Variants in PDE9A observed in about 807,000 individuals in gnomAD.
PDE9A encodes phosphodiesterase 9A.
Under a neutral mutation model 87.4 loss-of-function variants are expected in PDE9A, and 60 were observed. The ratio of observed to expected loss-of-function variants is 0.69; its 90% CI spans 0.56 to 0.85. The LOEUF (loss-of-function observed/expected upper bound fraction) is 0.85. Among genes scored for constraint, PDE9A ranks in the 40% least tolerant of loss-of-function variants. The pLI, the probability that PDE9A is intolerant of heterozygous loss-of-function variation, is 0.00. For synonymous variants in PDE9A, 272 were observed against 279.4 expected, an observed-to-expected ratio of 0.97 and a Z score of 0.27; for missense variants, 665 against 779.0, an observed-to-expected ratio of 0.85 and a Z score of 1.74.
chr21:42,719,416 A>G (rs146860955), intron 4 of PDE9A, among the ~76,000 whole-genome samples: 126 of 151,632 alleles, frequency 8.3e-4, no homozygotes, highest in African/African-American at 2.7e-3. Context: ...GGGTGGATCA[A>G]CTGAGGTCAG....
At chr21:42,774,078 C>CA (rs935218403) in intron 19 of PDE9A, among the ~76,000 whole-genome samples, 57 of 151,054 alleles carry the variant, frequency 3.8e-4, no homozygotes, top group East Asian at 1.4e-3. Flanking sequence ...GACTCTGTCT[C>CA]AAAAAAAATA....
intron 8 of PDE9A, among the ~76,000 whole-genome samples, chr21:42,746,168 G>A (rs1007076232): frequency 1.1e-4 from 17 of 152,192 alleles, no homozygotes; most frequent in Admixed American, 9.8e-4. Flanking sequence ...AAAGCAAGGC[G>A]AGTGCTCGGA....
intron 15 of PDE9A, among the ~76,000 whole-genome samples, chr21:42,767,060 G>A (rs1239981468): frequency 3.3e-5 from 5 of 152,096 alleles, no homozygotes; most frequent in East Asian, 3.9e-4. Flanking sequence ...CCTGCACCGC[G>A]GGGTCAGATG....
At chr21:42,666,735 CA>C (rs2058024088) in intron 1 of PDE9A, among the ~76,000 whole-genome samples, 1 of 152,202 alleles carries the variant, frequency 6.6e-6, no homozygotes, top group African/African-American at 2.4e-5. Flanking sequence ...GCCCGGTCTC[CA>C]AATAAGGTCA....
At chr21:42,655,874 GC>G (rs1368317909) in intron 1 of PDE9A, among the ~76,000 whole-genome samples, 1 of 138,060 alleles carries the variant, frequency 7.2e-6, no homozygotes, top group African/African-American at 2.8e-5. Flanking sequence ...CCCGCCCTCT[GC>G]CCCTTGCTGT....
At chr21:42,720,220 G>A (rs1028685265) in intron 4 of PDE9A, among the ~76,000 whole-genome samples, 3 of 152,096 alleles carry the variant, frequency 2.0e-5, no homozygotes, top group Admixed American at 6.5e-5. Flanking sequence ...TCCGCCAGGC[G>A]CAGTGACTCA....
In PDE9A at chr21:42,760,730, C is replaced by T; in HGVS notation, c.1003-95C>T. 1 of 761,460 alleles carries T rather than the reference C, an allele frequency of 1.3e-6. No individual in the cohort carries two copies. The highest frequency in any genetic ancestry group is 2.0e-5 in the Admixed American group (1 of 51,054). The allele number at this position is 761,460 out of a possible 1,614,324, so 47.2% of individuals were successfully genotyped here. A position where few individuals can be genotyped will look rare whatever the true frequency, so the allele number is the denominator to read the frequency against. On this transcript the variant is annotated intron_variant, in intron 12 of 19. Coordinates refer to ENST00000291539, the MANE Select transcript of PDE9A (RefSeq NM_002606.3). The surrounding 1 kb of genome is among the most constrained non-coding windows in gnomAD (Gnocchi z 5.2). Reference sequence around the variant, plus strand: ...GCCAGATGGCTGCAGGGGCCTTTGTCCCCCGCTTACCACTCACCCAATTCC... The same window carrying T: ...GCCAGATGGCTGCAGGGGCCTTTGTTCCCCGCTTACCACTCACCCAATTCC...
chr21:42,716,205 G>C (rs2049905943), intron 4 of PDE9A, among the ~76,000 whole-genome samples: 1 of 151,826 alleles, frequency 6.6e-6, no homozygotes, highest in Non-Finnish European at 1.5e-5. Context: ...TTGTGCACAA[G>C]TTTTTGTGTG....
intron 18 of PDE9A, among the ~76,000 whole-genome samples, chr21:42,771,407 CCTG>C (rs1366541738): frequency 1.3e-5 from 2 of 152,224 alleles, no homozygotes; most frequent in Non-Finnish European, 2.9e-5. Flanking sequence ...TGTCTGCTGT[CCTG>C]CTGCCCATGG....
chr21:42,653,829 C>G lies in PDE9A; in HGVS notation c.15C>G (p.Ser5=), dbSNP rs1469955919. The G allele has an allele frequency of 6.4e-7, 1 of 1,566,360 alleles. No homozygotes were observed. Among genetic ancestry groups the G allele is most frequent in the African/African-American group, 1.4e-5 (1 of 71,630 alleles). ...CCGGGCGCAGGATGGGATCCGGCTC[C>G]TCCAGCTACCGGCCCAAGGCCATCT... The part of the protein sequence containing the change: MGSG[S]SSYRPKAIYL... The change falls in exon 1 of 20, where the codon TCC becomes TCG. Residue 5 remains serine (S), a synonymous_variant. Coordinates refer to ENST00000291539, the MANE Select transcript of PDE9A (RefSeq NM_002606.3).
At chr21:42,733,213 G>T in intron 6 of PDE9A, 143 bp from the exon 7 acceptor site, 2 of 623,608 alleles carry the variant, frequency 3.2e-6, no homozygotes, top group East Asian at 2.7e-5. Context: ...GTCCTAGCAT[G>T]TTGGCACCTC....
chr21:42,669,370 G>C (rs186055912), intron 1 of PDE9A, among the ~76,000 whole-genome samples: 1 of 152,098 alleles, frequency 6.6e-6, no homozygotes, highest in Non-Finnish European at 1.5e-5. Flanking sequence ...CCCTGCCTGC[G>C]GGGTCTTAGA....
chr21:42,724,609 T>A (rs1359254035), intron 4 of PDE9A: 1 of 984,936 alleles, frequency 1.0e-6, no homozygotes, highest in African/African-American at 1.7e-5. Flanking sequence ...GAGCCCACTG[T>A]GCTGAGTCAC....
chr21:42,731,410 C>G (rs2051726840), intron 4 of PDE9A, among the ~76,000 whole-genome samples: 1 of 152,156 alleles, frequency 6.6e-6, no homozygotes, highest in Admixed American at 6.5e-5. Flanking sequence ...AGACCGCTCC[C>G]TTCCTTAGAA....
chr21:42,742,833 T>C lies in PDE9A; in HGVS notation c.569-943T>C, dbSNP rs372817168. 6.6e-5 allele frequency among the ~76,000 whole-genome samples: 10 copies of C among 152,118 alleles called. No homozygotes were observed. In the East Asian group the frequency reaches 1.5e-3, roughly 23 times the overall value. ...AAGACCAGACGAGCCAGTTTATCTATCTGGGTGGTGCCAGCTGATCCATCA... is the reference window on the plus strand; with the variant it reads ...AAGACCAGACGAGCCAGTTTATCTACCTGGGTGGTGCCAGCTGATCCATCA... On this transcript the variant is annotated intron_variant, in intron 7 of 19. Coordinates refer to ENST00000291539, the MANE Select transcript of PDE9A (RefSeq NM_002606.3).
At chr21:42,663,215 G>A (rs991935506) in intron 1 of PDE9A, among the ~76,000 whole-genome samples, 1 of 142,364 alleles carries the variant, frequency 7.0e-6, no homozygotes, top group African/African-American at 2.6e-5. Flanking sequence ...ACACATGCAC[G>A]CACCTACCAC....
intron 1 of PDE9A, among the ~76,000 whole-genome samples, chr21:42,678,560 C>T (rs1175662605): frequency 6.6e-6 from 1 of 152,126 alleles, no homozygotes; most frequent in Non-Finnish European, 1.5e-5. Flanking sequence ...AAGGGAAAGG[C>T]AAGAAGCAGA....
At position 42,770,743 on chromosome 21, in the gene PDE9A, G is replaced by A; in HGVS notation, c.1631G>A (p.Trp544Ter). ...MVEEIMLQPL[W>*]ESRDRYEELK... is the part of the protein sequence containing the mutation. Reference sequence around the variant, plus strand: ...GAGGAGATCATGCTGCAGCCACTTTGGGAATCCCGAGATCGCTACGAGGAG... The same window carrying A: ...GAGGAGATCATGCTGCAGCCACTTTAGGAATCCCGAGATCGCTACGAGGAG... Residue 544 changes from tryptophan (W) to a stop codon, truncating the protein, a stop_gained, in exon 18 of 20, where the codon TGG (tryptophan) becomes TAG (stop). Transcript: ENST00000291539. LOFTEE classifies it high-confidence loss of function. 6.2e-7 allele frequency: 1 copy of A among 1,614,136 alleles called. No individual in the cohort carries two copies. The highest frequency in any genetic ancestry group is 8.5e-7 in the Non-Finnish European group (1 of 1,179,962).
intron 1 of PDE9A, among the ~76,000 whole-genome samples, chr21:42,674,492 T>C (rs1197272114): frequency 1.3e-5 from 2 of 152,024 alleles, no homozygotes; most frequent in African/African-American, 4.8e-5. Flanking sequence ...GGGTGGGGGC[T>C]GCTCCTCCCC....
Sources: allele counts gnomAD v4.1 joint callset (sites outside exome capture counted in the v4.1 genomes callset), GRCh38; gene constraint gnomAD v4.1.1; non-coding constraint Gnocchi (gnomAD v3.1); transcripts MANE v1.5; gene names NCBI Gene and HGNC (gene_info 2026-07-23, HGNC 2026-07-21).